Variants in TNFSF4 observed in about 807,000 individuals in gnomAD.
TNFSF4 encodes tumor necrosis factor ligand superfamily member 4.
In TNFSF4, 4 loss-of-function variants were observed where a neutral mutation model predicts 7.3. The ratio of observed to expected loss-of-function variants is 0.55; its 90% CI spans 0.27 to 1.25. TNFSF4 has a LOEUF of 1.25. TNFSF4 is among the 50% of genes most tolerant of loss of function. The pLI, the probability that TNFSF4 is intolerant of heterozygous loss-of-function variation, is 0.12. For missense variants in TNFSF4, 181 were observed against 208.8 expected (o/e 0.87, Z 0.82); for synonymous variants, 76 against 83.7 (o/e 0.91, Z 0.50).
At chr1:173,300,240 A>G in the TNFSF4 span, among the ~76,000 whole-genome samples, 194 of 151,942 alleles carry the variant, frequency 1.3e-3, no homozygotes, top group Non-Finnish European at 2.2e-3. Context: ...AAAGTCCCCA[A>G]GGAAGAGCAA....
rs1341546290 is a variant in TNFSF4 at position 173,193,838 on chromosome 1, A to C, written c.154-5269T>G. Among the ~76,000 whole-genome samples the C allele has an allele frequency of 2.6e-5, 4 of 152,040 alleles. No individual in the cohort carries two copies. In the East Asian group the frequency reaches 7.7e-4, roughly 29 times the overall value. On this transcript the variant is annotated intron_variant, in intron 1 of 2. Coordinates refer to ENST00000281834, the MANE Select transcript of TNFSF4 (RefSeq NM_003326.5). Reference sequence around the variant, plus strand: ...TATGGGCTCTTTGACCAAATGACTGAATAATGTAATGTACAAGCGTCATGT... The same window carrying C: ...TATGGGCTCTTTGACCAAATGACTGCATAATGTAATGTACAAGCGTCATGT...
chr1:173,214,028 T>C, the TNFSF4 span, among the ~76,000 whole-genome samples: 1 of 152,174 alleles, frequency 6.6e-6, no homozygotes, highest in South Asian at 2.1e-4. Flanking sequence ...CAGCCTAAAA[T>C]GTCAAGAGTG....
At chr1:173,208,068 G>T (rs1650260757), upstream of TNFSF4, among the ~76,000 whole-genome samples, 1 of 152,100 alleles carries the variant, frequency 6.6e-6, no homozygotes, top group Non-Finnish European at 1.5e-5. Flanking sequence ...ATGTAAATAA[G>T]CTTTGAAGAT....
At chr1:173,347,386 G>C in the TNFSF4 span, among the ~76,000 whole-genome samples, 1 of 152,124 alleles carries the variant, frequency 6.6e-6, no homozygotes, top group Non-Finnish European at 1.5e-5. Context: ...TGGCACCAGG[G>C]CAAATTTCTT....
the TNFSF4 span, among the ~76,000 whole-genome samples, chr1:173,244,719 A>G: frequency 3.9e-5 from 6 of 152,062 alleles, no homozygotes; most frequent in Non-Finnish European, 7.4e-5. Context: ...TAGCACATGG[A>G]GTTTTCCATT....
the TNFSF4 span, among the ~76,000 whole-genome samples, chr1:173,395,820 G>GT: frequency 9.2e-5 from 14 of 151,864 alleles, no homozygotes; most frequent in Middle Eastern, 3.4e-3. Flanking sequence ...AATTCTAGTA[G>GT]TTTTTTTTGC....
the TNFSF4 span, among the ~76,000 whole-genome samples, chr1:173,282,417 G>A: frequency 4.0e-5 from 6 of 151,798 alleles, no homozygotes; most frequent in Admixed American, 3.9e-4. Context: ...TAAACTCACT[G>A]TCTATGAATA....
the TNFSF4 span, among the ~76,000 whole-genome samples, chr1:173,219,195 T>G: frequency 2.0e-5 from 3 of 152,216 alleles, no homozygotes; most frequent in Non-Finnish European, 2.9e-5. Context: ...CAGCAGTACA[T>G]TCAGAAGCCT....
the TNFSF4 span, among the ~76,000 whole-genome samples, chr1:173,255,241 T>C: frequency 5.3e-5 from 8 of 152,254 alleles, no homozygotes; most frequent in Non-Finnish European, 8.8e-5. Context: ...GTGCTTTACT[T>C]ATGCTTCCTT....
At chr1:173,264,891 A>C in the TNFSF4 span, among the ~76,000 whole-genome samples, 1 of 152,238 alleles carries the variant, frequency 6.6e-6, no homozygotes, top group Non-Finnish European at 1.5e-5. Context: ...GAAGGGAAGA[A>C]GGACAAGGTT....
the TNFSF4 span, among the ~76,000 whole-genome samples, chr1:173,382,677 G>A: frequency 6.6e-6 from 1 of 152,170 alleles, no homozygotes; most frequent in African/African-American, 2.4e-5. Context: ...ATACTTGACT[G>A]ATTCCTATTC....
At chr1:173,406,954 C>T in the TNFSF4 span, among the ~76,000 whole-genome samples, 5 of 151,856 alleles carry the variant, frequency 3.3e-5, no homozygotes, top group African/African-American at 4.8e-5. Context: ...CTGAGCAGGG[C>T]GAGGAGGGGA....
chr1:173,228,194 G>A, the TNFSF4 span, among the ~76,000 whole-genome samples: 1 of 152,174 alleles, frequency 6.6e-6, no homozygotes, highest in African/African-American at 2.4e-5. Flanking sequence ...GAGCAGACTG[G>A]CACCTCACAC....
chr1:173,342,522 A>C, the TNFSF4 span, among the ~76,000 whole-genome samples: 1 of 152,322 alleles, frequency 6.6e-6, no homozygotes, highest in African/African-American at 2.4e-5. Flanking sequence ...TATGCAAAAA[A>C]AAAAATACAA....
the TNFSF4 span, among the ~76,000 whole-genome samples, chr1:173,173,466 A>G: frequency 4.6e-5 from 7 of 152,248 alleles, no homozygotes; most frequent in African/African-American, 1.4e-4. Context: ...AAGGGGCTAC[A>G]GTCTCCTTGT....
chr1:173,308,293 G>C, the TNFSF4 span, among the ~76,000 whole-genome samples: 508 of 132,592 alleles, frequency 3.8e-3, 4 homozygotes, highest in African/African-American at 0.019. Context: ...CTCTGTGTGT[G>C]TGTGTGTGTG....
the TNFSF4 span, among the ~76,000 whole-genome samples, chr1:173,372,514 C>A: frequency 1.1e-4 from 16 of 152,200 alleles, no homozygotes; most frequent in African/African-American, 3.9e-4. Context: ...ACCCCACAAC[C>A]AGTGGCATAC....
the TNFSF4 span, among the ~76,000 whole-genome samples, chr1:173,423,349 T>C: frequency 6.6e-6 from 1 of 152,214 alleles, no homozygotes; most frequent in South Asian, 2.1e-4. Context: ...CCCCTTCTTT[T>C]CCACCTCTTT....
chr1:173,302,408 A>G, the TNFSF4 span, among the ~76,000 whole-genome samples: 5 of 152,040 alleles, frequency 3.3e-5, no homozygotes, highest in Non-Finnish European at 7.4e-5. Flanking sequence ...AGGGCAGGAG[A>G]AAGAGAAGGG....
Sources: allele counts gnomAD v4.1 joint callset (sites outside exome capture counted in the v4.1 genomes callset), GRCh38; gene constraint gnomAD v4.1.1; transcripts MANE v1.5; gene names NCBI Gene and HGNC (gene_info 2026-07-23, HGNC 2026-07-21).